MCF2L2: variants seen among roughly 807,000 people sequenced by gnomAD.
MCF2L2 encodes the protein probable guanine nucleotide exchange factor MCF2L2.
In MCF2L2, 102 loss-of-function variants were observed where a neutral mutation model predicts 150.2. The observed-to-expected ratio is 0.68, with a 90% CI of 0.58 to 0.80. MCF2L2 has a LOEUF of 0.80. MCF2L2 is among the 30% of genes least tolerant of loss of function. The probability of loss-of-function intolerance (pLI) is 0.00; values close to 1 mark genes in which losing one functional copy is unlikely to be tolerated. For synonymous variants in MCF2L2, 465 were observed against 491.3 expected, an observed-to-expected ratio of 0.95 and a Z score of 0.71; for missense variants, 1,256 against 1,372.8, an observed-to-expected ratio of 0.91 and a Z score of 1.34.
Position 183,318,062 on chromosome 3 carries a change from G to A in MCF2L2, c.753+6C>T, listed in dbSNP as rs752353662. ...ACTGGCCTCTGAGAGGTCACTGACC[G>A]CTCACCTGCAGCTTGTCCCGCTGCC... On this transcript the variant is annotated splice_donor_region_variant and intron_variant, in intron 7 of 29. Transcript: ENST00000328913. 1.1e-5 allele frequency: 17 copies of A among 1,612,716 alleles called. No homozygotes were observed. The highest frequency in any genetic ancestry group is 1.6e-4 in the Middle Eastern group (1 of 6,082).
intron 2 of MCF2L2, among the ~76,000 whole-genome samples, chr3:183,380,836 T>G (rs1713483843): frequency 6.6e-6 from 1 of 152,194 alleles, no homozygotes; most frequent in African/African-American, 2.4e-5. Flanking sequence ...GAACAAGACA[T>G]AAAGGTGGTG....
chr3:183,296,358 A>G (rs571461427), intron 12 of MCF2L2: 2 of 153,154 alleles, frequency 1.3e-5, no homozygotes, highest in South Asian at 4.1e-4. Context: ...ACCTCACCCA[A>G]AACACACTTC....
intron 21 of MCF2L2, among the ~76,000 whole-genome samples, chr3:183,218,501 G>A (rs1201225101): frequency 6.6e-6 from 1 of 152,122 alleles, no homozygotes; most frequent in Non-Finnish European, 1.5e-5. Flanking sequence ...CGGGCGTGGT[G>A]GCGGGTGCCT....
In MCF2L2 at chr3:183,179,248, G is replaced by T; in HGVS notation, c.*132C>A. The T allele has an allele frequency of 7.9e-7, 1 of 1,259,626 alleles. No homozygotes were observed. The highest frequency in any genetic ancestry group is 1.0e-6 in the Non-Finnish European group (1 of 976,200). 78.0% of individuals were successfully genotyped at this position (1,259,626 alleles called of 1,614,324 possible). The stretch of plus-strand genomic sequence containing the variant: ...CTCGGGCTCCTCGGAGGAGGCCCTG[G>T]TTGTCCCCTTTCTGCCGCCGCCGAG... On this transcript the variant is annotated 3_prime_UTR_variant, in exon 30 of 30. Transcript: ENST00000328913. The surrounding 1 kb of genome is among the most constrained non-coding windows in gnomAD (Gnocchi z 4.2).
At chr3:183,400,248 G>T (rs900916745) in intron 1 of MCF2L2, 5 of 329,654 alleles carry the variant, frequency 1.5e-5, no homozygotes, top group Non-Finnish European at 6.0e-6. Context: ...TGCAAAGTAA[G>T]ATTTTTTTTA....
chr3:183,258,699 T>C (rs1229562652), intron 15 of MCF2L2, among the ~76,000 whole-genome samples: 1 of 151,828 alleles, frequency 6.6e-6, no homozygotes, highest in African/African-American at 2.4e-5. Flanking sequence ...TGGTACAGCA[T>C]TTATATTATA....
In MCF2L2 at chr3:183,264,673, A is replaced by T. The variant is rs541976470; in HGVS notation, c.1862+12199T>A. Among the ~76,000 whole-genome samples, 53 of 152,348 alleles carry T rather than the reference A, an allele frequency of 3.5e-4. 1 individual carries two copies. The highest frequency in any genetic ancestry group is 1.2e-3 in the African/African-American group (51 of 41,584). The stretch of plus-strand genomic sequence containing the variant: ...AACTTCAAAACGGATAGCAGGTTTC[A>T]CATATTATCTCAGCATCACAAAAGT... On this transcript the variant is annotated intron_variant, in intron 15 of 29. Transcript: ENST00000328913.
At chr3:183,246,657 C>T (rs1197064076) in intron 15 of MCF2L2, among the ~76,000 whole-genome samples, 1 of 152,152 alleles carries the variant, frequency 6.6e-6, no homozygotes, top group East Asian at 1.9e-4. Flanking sequence ...CACTGATGTG[C>T]AAGTACCTGT....
chr3:183,361,867 G>A (rs1324797590), intron 3 of MCF2L2, among the ~76,000 whole-genome samples: 1 of 152,210 alleles, frequency 6.6e-6, no homozygotes, highest in Non-Finnish European at 1.5e-5. Flanking sequence ...AACAAGCACA[G>A]ACTGTCCACA....
At chr3:183,417,835 G>C (rs993388233) in intron 1 of MCF2L2, among the ~76,000 whole-genome samples, 4 of 152,186 alleles carry the variant, frequency 2.6e-5, no homozygotes, top group Non-Finnish European at 5.9e-5. Flanking sequence ...GAAGATGAAA[G>C]GGAAGCAAAG....
At chr3:183,312,639 G>C (rs1034958215) in intron 7 of MCF2L2, among the ~76,000 whole-genome samples, 20 of 152,282 alleles carry the variant, frequency 1.3e-4, no homozygotes, top group African/African-American at 4.8e-4. Context: ...CGCAAACACT[G>C]AATCACTTCC....
intron 3 of MCF2L2, among the ~76,000 whole-genome samples, chr3:183,359,102 T>C (rs192730853): frequency 6.6e-6 from 1 of 152,118 alleles, no homozygotes; most frequent in East Asian, 1.9e-4. Context: ...GATGAAAATT[T>C]GATGCCAGAA....
intron 1 of MCF2L2, among the ~76,000 whole-genome samples, chr3:183,414,917 T>C (rs561832718): frequency 2.0e-5 from 3 of 152,252 alleles, no homozygotes; most frequent in Non-Finnish European, 4.4e-5. Context: ...ACATACTTTG[T>C]ATAATTTCAA....
chr3:183,211,671 C>T (rs771962891), intron 22 of MCF2L2, among the ~76,000 whole-genome samples: 5 of 152,236 alleles, frequency 3.3e-5, no homozygotes, highest in Admixed American at 6.5e-5. Context: ...TGTAGTTGAT[C>T]TCAAGGTCGG....
intron 1 of MCF2L2, among the ~76,000 whole-genome samples, chr3:183,391,728 T>C (rs1714164455): frequency 6.6e-6 from 1 of 152,152 alleles, no homozygotes; most frequent in Non-Finnish European, 1.5e-5. Context: ...TTTTCTGTAA[T>C]AAAATGTAAA....
intron 15 of MCF2L2, among the ~76,000 whole-genome samples, chr3:183,242,514 C>A (rs1182059916): frequency 6.6e-6 from 1 of 152,210 alleles, no homozygotes. Context: ...GCCATTGGTT[C>A]AGAGATGCAA....
chr3:183,351,572 T>C (rs1483014427), intron 3 of MCF2L2, among the ~76,000 whole-genome samples: 1 of 152,050 alleles, frequency 6.6e-6, no homozygotes, highest in Non-Finnish European at 1.5e-5. Context: ...GTAACTCTGA[T>C]TCAAATACCT....
At chr3:183,272,511 C>A (rs1726864435) in intron 15 of MCF2L2, 2 of 995,440 alleles carry the variant, frequency 2.0e-6, no homozygotes, top group Admixed American at 6.1e-5. Flanking sequence ...TTAATGTTTA[C>A]AGAAATTTTA....
At chr3:183,406,591 C>T (rs749616848) in intron 1 of MCF2L2, among the ~76,000 whole-genome samples, 15 of 152,086 alleles carry the variant, frequency 9.9e-5, no homozygotes, top group Admixed American at 4.6e-4. Flanking sequence ...CGGGTCCAAG[C>T]GATTCTCCTG....
Sources: allele counts gnomAD v4.1 joint callset (sites outside exome capture counted in the v4.1 genomes callset), GRCh38; gene constraint gnomAD v4.1.1; non-coding constraint Gnocchi (gnomAD v3.1); transcripts MANE v1.5; gene names NCBI Gene and HGNC (gene_info 2026-07-23, HGNC 2026-07-21).